The following GOLGA1 variants were observed in gnomAD, a reference collection of about 807,000 sequenced individuals.
GOLGA1 encodes golgin A1.
GOLGA1 carries 63 observed loss-of-function variants against 119.7 expected under a neutral mutation model. The ratio of observed to expected loss-of-function variants is 0.53; its 90% CI spans 0.43 to 0.65. The LOEUF is 0.65. Ranked by LOEUF, GOLGA1 falls within the 30% of genes least tolerant of loss-of-function variation. The pLI, the probability that GOLGA1 is intolerant of heterozygous loss-of-function variation, is 0.00. For synonymous variants in GOLGA1, 318 were observed against 333.4 expected (o/e 0.95, Z 0.50); for missense variants, 798 against 912.8 (o/e 0.87, Z 1.62).
intron 11 of GOLGA1, 104 bp downstream of exon 11, chr9:124,911,797 T>C (rs1830345843): frequency 1.0e-6 from 1 of 962,164 alleles, no homozygotes; most frequent in African/African-American, 1.6e-5. Context: ...TTTGTTACCA[T>C]GCTGTTTGCT....
chr9:124,912,981 T>A (rs950920386), intron 10 of GOLGA1, among the ~76,000 whole-genome samples: 19 of 152,114 alleles, frequency 1.2e-4, no homozygotes, highest in African/African-American at 4.6e-4. Context: ...TGAGACTGAG[T>A]AATTTATAAA....
At chr9:124,900,083 G>A (rs181689417) in intron 13 of GOLGA1, 18 of 206,404 alleles carry the variant, frequency 8.7e-5, no homozygotes, top group Middle Eastern at 3.8e-3. Flanking sequence ...TCCACACCAC[G>A]CTTGGCCTGT....
At chr9:124,885,252 C>G (rs552248491) in intron 19 of GOLGA1, among the ~76,000 whole-genome samples, 1 of 151,350 alleles carries the variant, frequency 6.6e-6, no homozygotes, top group Non-Finnish European at 1.5e-5. Flanking sequence ...TGTTTGAACC[C>G]GGGAGGCGGA....
chr9:124,921,285 T>C, intron 9 of GOLGA1, 45 bp from the exon 10 acceptor site: 1 of 1,071,088 alleles, frequency 9.3e-7, no homozygotes, highest in Non-Finnish European at 1.5e-6. Context: ...GGATATCTCA[T>C]CTAATATACA....
chr9:124,914,565 T>G (rs561617250), intron 10 of GOLGA1, among the ~76,000 whole-genome samples: 1 of 152,086 alleles, frequency 6.6e-6, no homozygotes, highest in African/African-American at 2.4e-5. Context: ...CATTACCTGA[T>G]TTCAACTCTA....
chr9:124,881,268 G>GT lies in GOLGA1; in HGVS notation c.2137-12dup, dbSNP rs1388752185. 6.4e-7 allele frequency: 1 copy of GT among 1,565,958 alleles called. No homozygotes were observed. The highest frequency in any genetic ancestry group is 1.7e-5 in the Admixed American group (1 of 59,944). ...TATAAGATGAAAAGCCTGAAACACA[G>GT]TAAGTTTTGCTGCCATAGGCCTTGG... On this transcript the variant is annotated splice_polypyrimidine_tract_variant and intron_variant, in intron 21 of 22. Coordinates refer to ENST00000373555, the MANE Select transcript of GOLGA1 (RefSeq NM_002077.4). The surrounding 1 kb of genome is among the most constrained non-coding windows in gnomAD (Gnocchi z 4.9).
At chr9:124,938,536 C>A (rs747545657) in intron 3 of GOLGA1, 41 bp downstream of exon 3, 17 of 1,521,710 alleles carry the variant, frequency 1.1e-5, no homozygotes, top group African/African-American at 2.8e-5. Context: ...TGGAAGAATA[C>A]CCTGCAAAAG....
intron 10 of GOLGA1, among the ~76,000 whole-genome samples, chr9:124,920,911 A>T (rs144500177): frequency 7.9e-5 from 12 of 152,028 alleles, no homozygotes; most frequent in African/African-American, 2.2e-4. Context: ...GTACTTTGAG[A>T]ATTCCTGACA....
chr9:124,915,190 T>G (rs1432373146), intron 10 of GOLGA1, among the ~76,000 whole-genome samples: 1 of 151,942 alleles, frequency 6.6e-6, no homozygotes, highest in East Asian at 1.9e-4. Flanking sequence ...TGAGTCTGAA[T>G]CCTGGCTCTG....
intron 1 of GOLGA1, chr9:124,947,770 T>G (rs895227034): frequency 4.6e-5 from 7 of 152,184 alleles, no homozygotes; most frequent in Non-Finnish European, 1.0e-4. Flanking sequence ...GTAAATACCC[T>G]CTATGATTTC....
At chr9:124,917,081 A>G (rs1345032859) in intron 10 of GOLGA1, among the ~76,000 whole-genome samples, 1 of 152,160 alleles carries the variant, frequency 6.6e-6, no homozygotes, top group Non-Finnish European at 1.5e-5. Flanking sequence ...AATGATTTAT[A>G]TAACATTAAC....
chr9:124,894,473 T>C (rs535713602), intron 15 of GOLGA1, among the ~76,000 whole-genome samples: 19 of 152,098 alleles, frequency 1.2e-4, no homozygotes, highest in Non-Finnish European at 2.5e-4. Context: ...TCTTGCACAC[T>C]GCAAGCTCCG....
At chr9:124,901,747 A>T (rs1830110459) in intron 12 of GOLGA1, among the ~76,000 whole-genome samples, 3 of 152,284 alleles carry the variant, frequency 2.0e-5, no homozygotes, top group Admixed American at 2.0e-4. Flanking sequence ...TAATTTTTGT[A>T]TTTTTAATAG....
intron 11 of GOLGA1, among the ~76,000 whole-genome samples, chr9:124,909,604 G>A (rs1261147725): frequency 3.6e-5 from 4 of 109,988 alleles, no homozygotes; most frequent in Admixed American, 1.0e-4. Context: ...GTGAGACTCC[G>A]TCTCAAAAAA....
At chr9:124,918,226 T>C (rs77006061) in intron 10 of GOLGA1, among the ~76,000 whole-genome samples, 1,725 of 152,282 alleles carry the variant, frequency 0.011, 87 homozygotes, top group Admixed American at 0.083. Flanking sequence ...CGGTTAGTAA[T>C]TATATATGTG....
At chr9:124,927,579 T>C (rs1830698601) in intron 6 of GOLGA1, among the ~76,000 whole-genome samples, 1 of 152,246 alleles carries the variant, frequency 6.6e-6, no homozygotes. Context: ...TATAATATAT[T>C]GATGCTTATC....
chr9:124,943,429 CAA>C (rs1339427819), upstream of GOLGA1: 3 of 152,104 alleles, frequency 2.0e-5, no homozygotes, highest in Non-Finnish European at 2.9e-5. Flanking sequence ...AATAGGCAAC[CAA>C]ATAGCTTCAT....
intron 7 of GOLGA1, among the ~76,000 whole-genome samples, chr9:124,924,076 G>A (rs192989996): frequency 4.6e-5 from 7 of 152,140 alleles, no homozygotes; most frequent in South Asian, 2.1e-4. Flanking sequence ...GGCTGGTCTC[G>A]AACTCCTGAC....
intron 18 of GOLGA1, 40 bp downstream of exon 18, chr9:124,889,103 A>C: frequency 1.3e-6 from 2 of 1,551,372 alleles, no homozygotes; most frequent in Non-Finnish European, 1.8e-6. Context: ...CCTGCCCTGC[A>C]TCTTGCTGTA....
Sources: allele counts gnomAD v4.1 joint callset (sites outside exome capture counted in the v4.1 genomes callset), GRCh38; gene constraint gnomAD v4.1.1; non-coding constraint Gnocchi (gnomAD v3.1); transcripts MANE v1.5; gene names NCBI Gene and HGNC (gene_info 2026-07-23, HGNC 2026-07-21).